The following SMARCA4 variants were observed in gnomAD, a reference collection of about 807,000 sequenced individuals.
The protein encoded by SMARCA4 is SWI/SNF related BAF chromatin remodeling complex subunit ATPase 4.
In SMARCA4, 31 loss-of-function variants were observed where a neutral mutation model predicts 193.9. The observed-to-expected ratio is 0.16, with a 90% CI of 0.12 to 0.22. The LOEUF (loss-of-function observed/expected upper bound fraction) is 0.22, where lower values mean the gene tolerates loss of function less well. Among genes scored for constraint, SMARCA4 ranks in the 10% least tolerant of loss-of-function variants. The probability of loss-of-function intolerance (pLI) is 1.00; values close to 1 mark genes in which losing one functional copy is unlikely to be tolerated. For missense variants in SMARCA4, 1,148 were observed against 2,296.0 expected (o/e 0.50, Z 10.22); for synonymous variants, 942 against 933.1 (o/e 1.01, Z -0.17).
At chr19:10,990,239 T>A (rs963545786) in intron 7 of SMARCA4, among the ~76,000 whole-genome samples, 1 of 152,166 alleles carries the variant, frequency 6.6e-6, no homozygotes, top group Admixed American at 6.6e-5. Context: ...CTGTGGCCTC[T>A]GCCTCTGTGG....
intron 30 of SMARCA4, among the ~76,000 whole-genome samples, chr19:11,044,681 T>C (rs2075801219): frequency 6.6e-6 from 1 of 152,234 alleles, no homozygotes; most frequent in African/African-American, 2.4e-5. Flanking sequence ...TGTAGGAGTA[T>C]GCAGCTCTTT....
chr19:10,968,420 A>C (rs1184341364), intron 1 of SMARCA4, among the ~76,000 whole-genome samples: 1 of 152,178 alleles, frequency 6.6e-6, no homozygotes, highest in Non-Finnish European at 1.5e-5. Context: ...CTCTGTGTGC[A>C]GCCAGCTGTG....
chr19:10,983,298 A>G (rs1161037602), intron 1 of SMARCA4, among the ~76,000 whole-genome samples: 1 of 152,224 alleles, frequency 6.6e-6, no homozygotes, highest in Non-Finnish European at 1.5e-5. Flanking sequence ...TTATTTGTGT[A>G]ATACTTTATC....
At chr19:10,994,761 G>T in intron 8 of SMARCA4, 67 bp from the exon 9 acceptor site, 1 of 1,421,566 alleles carries the variant, frequency 7.0e-7, no homozygotes, top group East Asian at 2.3e-5. Flanking sequence ...TTTTAAACAA[G>T]CCTTGCGGGG....
intron 1 of SMARCA4, among the ~76,000 whole-genome samples, chr19:10,964,768 C>G (rs749255495): frequency 1.2e-4 from 19 of 152,106 alleles, no homozygotes; most frequent in Non-Finnish European, 2.2e-4. Flanking sequence ...AGGACGTGCA[C>G]CACCATGCCC....
intron 8 of SMARCA4, among the ~76,000 whole-genome samples, chr19:10,993,522 G>C (rs564871773): frequency 1.4e-3 from 209 of 152,334 alleles, no homozygotes; most frequent in African/African-American, 4.6e-3. Context: ...GGAATAAGTT[G>C]GGTGAAGGGT....
intron 1 of SMARCA4, chr19:10,983,823 T>C: frequency 2.1e-6 from 1 of 480,574 alleles, no homozygotes; most frequent in Non-Finnish European, 3.8e-6. Context: ...CAGCACCCCC[T>C]GAGACACCCT....
intron 1 of SMARCA4, among the ~76,000 whole-genome samples, chr19:10,973,810 T>C (rs2084879891): frequency 6.6e-6 from 1 of 152,134 alleles, no homozygotes; most frequent in Admixed American, 6.6e-5. Context: ...ACCCTCGTGA[T>C]CCACCCGCCT....
chr19:11,026,904 G>A (rs1025570983), intron 23 of SMARCA4, among the ~76,000 whole-genome samples: 1 of 152,186 alleles, frequency 6.6e-6, no homozygotes, highest in Non-Finnish European at 1.5e-5. Flanking sequence ...CCGCCTCCAA[G>A]CTCTGTGACT....
In SMARCA4 at chr19:10,986,289, C is replaced by T. The variant is rs1555753110; in HGVS notation, c.456C>T (p.Ala152=). 6.2e-7 allele frequency: 1 copy of T among 1,613,828 alleles called. No homozygotes were observed. The highest frequency in any genetic ancestry group is 8.5e-7 in the Non-Finnish European group (1 of 1,180,002). ...GPQMSSGPGG[A]PLDGADPQAL... ...AGATGTCTTCCGGGCCAGGAGGTGC[C>T]CCGCTGGATGGTGCTGACCCCCAGG... The change falls in exon 4 of 35, where the codon GCC becomes GCT. Residue 152 remains alanine (A), a synonymous_variant. Coordinates refer to ENST00000344626, the MANE Select transcript of SMARCA4 (RefSeq NM_003072.5). The surrounding 1 kb of genome is among the most constrained non-coding windows in gnomAD (Gnocchi z 6.7).
In SMARCA4 at chr19:10,965,650, A is replaced by G. The variant is rs543519853; in HGVS notation, c.-32+4476A>G. Among the ~76,000 whole-genome samples the G allele has an allele frequency of 3.9e-5, 6 of 152,298 alleles. No individual in the cohort carries two copies. In the South Asian group the frequency reaches 1.0e-3, roughly 26 times the overall value. On this transcript the variant is annotated intron_variant, in intron 1 of 34. Transcript: ENST00000344626. Reference sequence around the variant, plus strand: ...GTCTAGATGGTGGAGCCTAGTCCACATGTAGGCTCTGTGGTATAGCCTATT... The same window carrying G: ...GTCTAGATGGTGGAGCCTAGTCCACGTGTAGGCTCTGTGGTATAGCCTATT...
At chr19:11,059,134 A>T (rs1463082997) in intron 32 of SMARCA4, 2 of 483,310 alleles carry the variant, frequency 4.1e-6, no homozygotes, top group East Asian at 3.6e-5. Context: ...AAAAATTAAA[A>T]ATTTCCAACT....
At chr19:10,972,069 T>C (rs2084720340) in intron 1 of SMARCA4, among the ~76,000 whole-genome samples, 1 of 151,632 alleles carries the variant, frequency 6.6e-6, no homozygotes, top group Admixed American at 6.6e-5. Context: ...GATTCTCCTG[T>C]CCCAGCCCCC....
At chr19:11,044,945 C>T (rs1212909934) in intron 30 of SMARCA4, among the ~76,000 whole-genome samples, 2 of 152,080 alleles carry the variant, frequency 1.3e-5, no homozygotes, top group African/African-American at 4.8e-5. Context: ...CGTACAGGGC[C>T]CCAAACAGCT....
At chr19:11,020,441 C>G (rs1394132163) in intron 18 of SMARCA4, 2 of 151,948 alleles carry the variant, frequency 1.3e-5, no homozygotes, top group African/African-American at 4.9e-5. Context: ...GACCGAGTCT[C>G]GCTCTGTTGC....
At chr19:11,028,317 A>G (rs2090407622) in intron 24 of SMARCA4, among the ~76,000 whole-genome samples, 1 of 152,248 alleles carries the variant, frequency 6.6e-6, no homozygotes, top group African/African-American at 2.4e-5. Flanking sequence ...AACATCCTTC[A>G]GGCACAGCTG....
chr19:10,985,196 C>T lies in SMARCA4; in HGVS notation c.223-77C>T. ...GGCTGTTCTCGGTGCCCTCGAGCTT[C>T]TCTCGGGCAGCGCATAGCTGCGCTG... On this transcript the variant is annotated intron_variant, in intron 2 of 34. Coordinates refer to ENST00000344626, the MANE Select transcript of SMARCA4 (RefSeq NM_003072.5). This position sits in a 1 kb window ranked among gnomAD's most constrained non-coding sequence, Gnocchi z 4.5. 1 of 1,528,212 alleles carries T rather than the reference C, an allele frequency of 6.5e-7. No homozygotes were observed. The highest frequency in any genetic ancestry group is 9.1e-7 in the Non-Finnish European group (1 of 1,103,794). 94.7% of individuals were successfully genotyped at this position (1,528,212 alleles called of 1,614,324 possible). A position where few individuals can be genotyped will look rare whatever the true frequency, so the allele number is the denominator to read the frequency against.
chr19:11,007,879 G>T (rs376984392), intron 13 of SMARCA4, 23 bp from the exon 14 acceptor site: 15 of 1,612,826 alleles, frequency 9.3e-6, no homozygotes, highest in African/African-American at 5.3e-5. Flanking sequence ...GAACTGAGGT[G>T]ACATGGGCTT....
intron 1 of SMARCA4, among the ~76,000 whole-genome samples, chr19:10,977,250 C>A (rs988451915): frequency 2.0e-5 from 3 of 152,132 alleles, no homozygotes; most frequent in Non-Finnish European, 4.4e-5. Flanking sequence ...TGTTCCTGAG[C>A]ATTGCGGGGC....
Sources: allele counts gnomAD v4.1 joint callset (sites outside exome capture counted in the v4.1 genomes callset), GRCh38; gene constraint gnomAD v4.1.1; non-coding constraint Gnocchi (gnomAD v3.1); transcripts MANE v1.5; gene names NCBI Gene and HGNC (gene_info 2026-07-23, HGNC 2026-07-21).